Variants in MSRB3 observed in about 807,000 individuals in gnomAD.
MSRB3 encodes methionine sulfoxide reductase B3.
In MSRB3, 13 loss-of-function variants were observed where a neutral mutation model predicts 21.0. That is an observed-to-expected ratio of 0.62 (90% CI 0.40 to 0.98). The LOEUF (loss-of-function observed/expected upper bound fraction) is 0.98, where lower values mean the gene tolerates loss of function less well. Among genes scored for constraint, MSRB3 ranks in the 50% least tolerant of loss-of-function variants. The pLI, the probability that MSRB3 is intolerant of heterozygous loss-of-function variation, is 0.00. For synonymous variants in MSRB3, 87 were observed against 88.6 expected (o/e 0.98, Z 0.10); for missense variants, 199 against 230.3 (o/e 0.86, Z 0.88).
intron 5 of MSRB3, among the ~76,000 whole-genome samples, chr12:65,428,277 C>G (rs1464552473): frequency 1.3e-5 from 2 of 152,264 alleles, no homozygotes; most frequent in East Asian, 3.9e-4. Flanking sequence ...CTCAGGTATA[C>G]TGATCTTACC....
At chr12:65,304,147 G>A (rs1171843305) in intron 1 of MSRB3, among the ~76,000 whole-genome samples, 1 of 152,172 alleles carries the variant, frequency 6.6e-6, no homozygotes. Flanking sequence ...GGCACCAATT[G>A]AGACGAAGTT....
intron 1 of MSRB3, among the ~76,000 whole-genome samples, chr12:65,288,296 C>T (rs1430425951): frequency 2.0e-5 from 3 of 147,902 alleles, no homozygotes; most frequent in South Asian, 2.1e-4. Flanking sequence ...AGCGAGACCC[C>T]GTCCCCCCCG....
chr12:65,356,857 G>C (rs550007263), intron 4 of MSRB3, among the ~76,000 whole-genome samples: 1 of 151,944 alleles, frequency 6.6e-6, no homozygotes, highest in Non-Finnish European at 1.5e-5. Context: ...CTGTCCCCAA[G>C]TTAAGTCAAG....
chr12:65,450,408 T>C (rs1339682544), intron 5 of MSRB3, among the ~76,000 whole-genome samples: 1 of 152,130 alleles, frequency 6.6e-6, no homozygotes, highest in African/African-American at 2.4e-5. Flanking sequence ...TTATTGAAAA[T>C]AAGGCATCCT....
intron 5 of MSRB3, among the ~76,000 whole-genome samples, chr12:65,397,725 A>G (rs1288185783): frequency 6.6e-6 from 1 of 152,030 alleles, no homozygotes; most frequent in African/African-American, 2.4e-5. Flanking sequence ...CATTATCTAC[A>G]TTAGGTATTT....
chr12:65,352,185 G>A (rs1311565629), intron 4 of MSRB3, among the ~76,000 whole-genome samples: 2 of 152,080 alleles, frequency 1.3e-5, no homozygotes, highest in African/African-American at 4.8e-5. Flanking sequence ...ATGTAATCCA[G>A]CATATAAACA....
Position 65,460,736 on chromosome 12 carries a change from C to CTT in MSRB3, c.391-2403_391-2402dup, listed in dbSNP as rs869050828. Among the ~76,000 whole-genome samples the CTT allele has an allele frequency of 1.3e-3, 168 of 132,962 alleles. 2 individuals are homozygous for CTT. Among genetic ancestry groups the CTT allele is most frequent in the African/African-American group, 4.4e-3 (157 of 35,460 alleles). The allele number at this position is 132,962 out of a possible 152,430, so 87.2% of individuals were successfully genotyped here. A position where few individuals can be genotyped will look rare whatever the true frequency, so the allele number is the denominator to read the frequency against. On this transcript the variant is annotated intron_variant, in intron 6 of 6. Coordinates refer to ENST00000308259, the MANE Select transcript of MSRB3 (RefSeq NM_001031679.3). ...TTCTAACTATAATTTCTCTTCCTCA[C>CTT]TTTTTTTTTTTTTTTTTGCCTTGGA... is the stretch of plus-strand genomic sequence containing the variant.
intron 5 of MSRB3, among the ~76,000 whole-genome samples, chr12:65,439,629 G>T (rs1252432215): frequency 6.6e-6 from 1 of 150,784 alleles, no homozygotes; most frequent in Non-Finnish European, 1.5e-5. Context: ...AACTCTATGG[G>T]GTACAATAAA....
At chr12:65,287,711 A>C (rs747471956) in intron 1 of MSRB3, among the ~76,000 whole-genome samples, 38 of 152,116 alleles carry the variant, frequency 2.5e-4, no homozygotes, top group Non-Finnish European at 5.0e-4. Context: ...TGGGGTGTGA[A>C]TATGCCTTCT....
intron 5 of MSRB3, among the ~76,000 whole-genome samples, chr12:65,393,748 T>C (rs1879621138): frequency 1.3e-5 from 2 of 151,874 alleles, no homozygotes; most frequent in East Asian, 1.9e-4. Context: ...AGGACATACA[T>C]ACACACACAT....
chr12:65,385,651 G>A (rs762046484), intron 5 of MSRB3, among the ~76,000 whole-genome samples: 4 of 151,854 alleles, frequency 2.6e-5, no homozygotes, highest in Non-Finnish European at 4.4e-5. Context: ...ACAGAGGCCC[G>A]TTAAATTTAT....
intron 5 of MSRB3, among the ~76,000 whole-genome samples, chr12:65,417,718 A>G (rs1335710738): frequency 6.6e-6 from 1 of 152,220 alleles, no homozygotes; most frequent in African/African-American, 2.4e-5. Flanking sequence ...TCCATATATA[A>G]GTTAGATCAT....
At chr12:65,381,706 T>C (rs1878946095) in intron 5 of MSRB3, among the ~76,000 whole-genome samples, 1 of 152,064 alleles carries the variant, frequency 6.6e-6, no homozygotes. Context: ...TGATTTTTCA[T>C]TAATTTCCCA....
At chr12:65,412,666 C>G (rs1880777912) in intron 5 of MSRB3, among the ~76,000 whole-genome samples, 1 of 151,960 alleles carries the variant, frequency 6.6e-6, no homozygotes, top group African/African-American at 2.4e-5. Context: ...ATTTTCTTTC[C>G]CACTCTTTGA....
intron 5 of MSRB3, among the ~76,000 whole-genome samples, chr12:65,426,344 G>C (rs769683053): frequency 9.2e-5 from 14 of 151,912 alleles, no homozygotes; most frequent in Admixed American, 1.3e-4. Context: ...TGGCAGTCCC[G>C]TCCTCCCCCT....
At chr12:65,396,646 A>T (rs1879797056) in intron 5 of MSRB3, among the ~76,000 whole-genome samples, 1 of 151,222 alleles carries the variant, frequency 6.6e-6, no homozygotes. Context: ...AGCCAAGATC[A>T]TGCCATTACA....
chr12:65,288,772 A>G (rs575040579), intron 1 of MSRB3, among the ~76,000 whole-genome samples: 1 of 152,298 alleles, frequency 6.6e-6, no homozygotes, highest in East Asian at 1.9e-4. Context: ...ACCCTATTAA[A>G]TATATTTAAC....
intron 5 of MSRB3, 113 bp from the exon 6 acceptor site, chr12:65,453,615 A>T: frequency 1.2e-6 from 1 of 830,444 alleles, no homozygotes; most frequent in Non-Finnish European, 2.0e-6. Flanking sequence ...TTGAAAAGTT[A>T]AACATACACT....
intron 5 of MSRB3, among the ~76,000 whole-genome samples, chr12:65,394,543 C>T (rs770235778): frequency 6.6e-6 from 1 of 152,178 alleles, no homozygotes; most frequent in Non-Finnish European, 1.5e-5. Context: ...CAATTATTCA[C>T]AACTCTTCCA....
Sources: gnomAD v4.1 joint callset for allele counts (sites outside exome capture counted in the v4.1 genomes callset) on GRCh38, gnomAD v4.1.1 for gene constraint, MANE v1.5 for transcripts, NCBI Gene and HGNC (gene_info 2026-07-23, HGNC 2026-07-21) for gene names.